Variants in CADM2 observed in about 807,000 individuals in gnomAD.
CADM2 encodes the protein cell adhesion molecule 2.
CADM2 carries 12 observed loss-of-function variants against 49.8 expected under a neutral mutation model. The ratio of observed to expected loss-of-function variants is 0.24; its 90% CI spans 0.15 to 0.39. The LOEUF is 0.39. Among genes scored for constraint, CADM2 ranks in the 10% least tolerant of loss-of-function variants. CADM2 has a pLI of 1.00. For synonymous variants in CADM2, 214 were observed against 175.4 expected (o/e 1.22, Z -1.74); for missense variants, 378 against 492.3 (o/e 0.77, Z 2.20).
intron 1 of CADM2, among the ~76,000 whole-genome samples, chr3:85,035,288 G>A (rs183515871): frequency 6.6e-5 from 10 of 152,074 alleles, no homozygotes; most frequent in East Asian, 3.9e-4. Context: ...TTCCTACAGC[G>A]TTGTTTGAGC....
At chr3:85,842,607 C>A (rs2074688551) in intron 3 of CADM2, among the ~76,000 whole-genome samples, 1 of 152,086 alleles carries the variant, frequency 6.6e-6, no homozygotes, top group African/African-American at 2.4e-5. Context: ...CACATGTCTT[C>A]TTGGCAAGGT....
intron 3 of CADM2, among the ~76,000 whole-genome samples, chr3:85,833,492 C>T (rs191286570): frequency 4.3e-4 from 65 of 151,756 alleles, no homozygotes; most frequent in African/African-American, 1.5e-3. Flanking sequence ...TTTTTCATTA[C>T]TGATGCAATT....
chr3:85,571,277 T>C (rs1307113971), intron 1 of CADM2, among the ~76,000 whole-genome samples: 2 of 152,224 alleles, frequency 1.3e-5, no homozygotes, highest in African/African-American at 4.8e-5. Context: ...TAATAATTTA[T>C]GTCAGATATT....
rs746979124 is a variant in CADM2, at chr3:84,972,895, A to ATCTT, written c.61+13241_61+13244dup. ...ATACATAATTCCTTTCTTAGTTTCT[A>ATCTT]TCTTTCTTTCTTTCTTTTATTACTA... On this transcript the variant is annotated intron_variant, in intron 1 of 9. Coordinates refer to ENST00000383699, the MANE Select transcript of CADM2 (RefSeq NM_001167675.2). Among the ~76,000 whole-genome samples the ATCTT allele has an allele frequency of 7.9e-5, 12 of 152,072 alleles. No homozygotes were observed. The South Asian group carries it at 1.0e-3, about 13-fold the overall frequency.
At chr3:85,738,597 A>G (rs908738973) in intron 2 of CADM2, among the ~76,000 whole-genome samples, 1 of 152,204 alleles carries the variant, frequency 6.6e-6, no homozygotes. Context: ...TATGTGTTTA[A>G]TGAGTATTTC....
chr3:85,862,034 C>T (rs144806340), intron 3 of CADM2, among the ~76,000 whole-genome samples: 389 of 152,098 alleles, frequency 2.6e-3, no homozygotes, highest in African/African-American at 7.9e-3. Context: ...TAATAAATAT[C>T]GTGAATAAAA....
chr3:85,943,148 T>C (rs1466092245), intron 7 of CADM2, among the ~76,000 whole-genome samples: 10 of 151,268 alleles, frequency 6.6e-5, no homozygotes, highest in Admixed American at 2.0e-4. Flanking sequence ...GAGAAGTGTC[T>C]GTTCATGTCC....
chr3:85,781,057 A>G (rs1042162097), intron 2 of CADM2, among the ~76,000 whole-genome samples: 1 of 152,168 alleles, frequency 6.6e-6, no homozygotes, highest in African/African-American at 2.4e-5. Flanking sequence ...GCTGGCAACT[A>G]ACTGTAGATG....
intron 1 of CADM2, among the ~76,000 whole-genome samples, chr3:85,340,795 T>C (rs1436813057): frequency 6.6e-6 from 1 of 151,644 alleles, no homozygotes; most frequent in Non-Finnish European, 1.5e-5. Context: ...TTTTTTAAAA[T>C]AAATCTTTTT....
At chr3:86,022,572 T>C (rs1338661474) in intron 8 of CADM2, among the ~76,000 whole-genome samples, 1 of 152,210 alleles carries the variant, frequency 6.6e-6, no homozygotes, top group Non-Finnish European at 1.5e-5. Flanking sequence ...CATTATAACC[T>C]TGCTTTTGTC....
chr3:85,877,192 T>G (rs377679867), intron 3 of CADM2, among the ~76,000 whole-genome samples: 1 of 152,158 alleles, frequency 6.6e-6, no homozygotes, highest in African/African-American at 2.4e-5. Context: ...CCCATTCGCT[T>G]ATTTTTAATA....
intron 1 of CADM2, among the ~76,000 whole-genome samples, chr3:85,488,818 C>T (rs867001427): frequency 6.6e-6 from 1 of 152,046 alleles, no homozygotes; most frequent in Non-Finnish European, 1.5e-5. Context: ...CGTGAGCCAC[C>T]GTGCCTGGCC....
At chr3:85,707,600 G>T (rs2066990940) in intron 1 of CADM2, among the ~76,000 whole-genome samples, 1 of 151,966 alleles carries the variant, frequency 6.6e-6, no homozygotes, top group South Asian at 2.1e-4. Flanking sequence ...GGCACATTTT[G>T]AGATTATATG....
intron 1 of CADM2, among the ~76,000 whole-genome samples, chr3:85,483,350 ATAAG>A (rs1346077820): frequency 6.6e-6 from 1 of 151,458 alleles, no homozygotes; most frequent in African/African-American, 2.4e-5. Flanking sequence ...TAGTGTAAAT[ATAAG>A]TATCATTTCT....
At chr3:85,508,663 G>T (rs939735701) in intron 1 of CADM2, among the ~76,000 whole-genome samples, 1 of 152,048 alleles carries the variant, frequency 6.6e-6, no homozygotes, top group Admixed American at 6.6e-5. Flanking sequence ...GTGGGAATCA[G>T]GTAAATGTAT....
intron 1 of CADM2, among the ~76,000 whole-genome samples, chr3:85,358,587 G>T (rs2032067498): frequency 6.6e-6 from 1 of 151,992 alleles, no homozygotes; most frequent in Non-Finnish European, 1.5e-5. Flanking sequence ...AAAATCTTTT[G>T]CTATGATGCA....
intron 1 of CADM2, among the ~76,000 whole-genome samples, chr3:85,597,149 G>A (rs1171407377): frequency 6.6e-6 from 1 of 152,012 alleles, no homozygotes; most frequent in African/African-American, 2.4e-5. Context: ...ATGGAGAGGG[G>A]AGAAAAGAAA....
chr3:85,858,504 A>G (rs2075397710), intron 3 of CADM2, among the ~76,000 whole-genome samples: 1 of 152,206 alleles, frequency 6.6e-6, no homozygotes, highest in Admixed American at 6.5e-5. Flanking sequence ...AGCCCATAAC[A>G]GGAAAAAAGA....
intron 1 of CADM2, among the ~76,000 whole-genome samples, chr3:85,645,622 C>T (rs1309344716): frequency 1.3e-5 from 2 of 151,308 alleles, no homozygotes; most frequent in African/African-American, 4.9e-5. Flanking sequence ...ATTTTTATAC[C>T]ACAATTATTT....
Sources: gnomAD v4.1 joint callset for allele counts (sites outside exome capture counted in the v4.1 genomes callset) on GRCh38, gnomAD v4.1.1 for gene constraint, MANE v1.5 for transcripts, NCBI Gene and HGNC (gene_info 2026-07-23, HGNC 2026-07-21) for gene names.